Variants in SNX4 observed in about 807,000 individuals in gnomAD.
SNX4 encodes sorting nexin-4.
In SNX4, 49 loss-of-function variants were observed where a neutral mutation model predicts 70.8. That is an observed-to-expected ratio of 0.69 (90% CI 0.55 to 0.88). SNX4 has a LOEUF of 0.88. Among genes scored for constraint, SNX4 ranks in the 40% least tolerant of loss-of-function variants. SNX4 has a pLI of 0.00. For synonymous variants in SNX4, 206 were observed against 183.8 expected (o/e 1.12, Z -0.98); for missense variants, 528 against 544.8 (o/e 0.97, Z 0.31).
intron 6 of SNX4, among the ~76,000 whole-genome samples, chr3:125,486,746 AC>A (rs1254685531): frequency 6.6e-6 from 1 of 152,216 alleles, no homozygotes; most frequent in African/African-American, 2.4e-5. Flanking sequence ...GACCTTGGGC[AC>A]ATCTCTTTTA....
intron 13 of SNX4, among the ~76,000 whole-genome samples, chr3:125,449,721 T>C (rs913269877): frequency 6.6e-6 from 1 of 152,232 alleles, no homozygotes; most frequent in Non-Finnish European, 1.5e-5. Flanking sequence ...TAGTATCTTT[T>C]ATATTCACAG....
intron 5 of SNX4, among the ~76,000 whole-genome samples, chr3:125,492,905 AAGAGGC>A (rs1474395645): frequency 2.0e-5 from 3 of 152,182 alleles, no homozygotes; most frequent in African/African-American, 7.2e-5. Context: ...TGCCCCAAGG[AAGAGGC>A]AGGGTCCAGG....
chr3:125,494,249 C>T (rs1441578777), intron 5 of SNX4, among the ~76,000 whole-genome samples: 1 of 152,004 alleles, frequency 6.6e-6, no homozygotes, highest in African/African-American at 2.4e-5. Flanking sequence ...CCTTTAACAA[C>T]CATCTCTGCA....
chr3:125,514,308 A>G (rs1275389629), intron 1 of SNX4, among the ~76,000 whole-genome samples: 3 of 152,086 alleles, frequency 2.0e-5, no homozygotes, highest in African/African-American at 7.2e-5. Context: ...AAATACAACA[A>G]TATGTTAAGT....
chr3:125,511,926 C>T (rs62270176), intron 1 of SNX4, among the ~76,000 whole-genome samples: 64,381 of 151,720 alleles, frequency 0.42, 13,697 homozygotes, highest in Admixed American at 0.5. Flanking sequence ...ATACACTACA[C>T]AGCTCTCCCA....
At chr3:125,459,822 G>A (rs1449765206) in intron 10 of SNX4, among the ~76,000 whole-genome samples, 1 of 151,964 alleles carries the variant, frequency 6.6e-6, no homozygotes, top group African/African-American at 2.4e-5. Flanking sequence ...AGCTAACAAT[G>A]TGCAGATGAT....
chr3:125,465,226 G>A (rs1242949971), intron 9 of SNX4, among the ~76,000 whole-genome samples: 2 of 151,432 alleles, frequency 1.3e-5, no homozygotes, highest in Admixed American at 6.6e-5. Flanking sequence ...TCATAACTTA[G>A]CTTTATAGTA....
At chr3:125,474,878 T>C (rs1379698201) in intron 8 of SNX4, among the ~76,000 whole-genome samples, 1 of 152,216 alleles carries the variant, frequency 6.6e-6, no homozygotes, top group African/African-American at 2.4e-5. Flanking sequence ...TAATTTTTGT[T>C]TTTAAATAAG....
chr3:125,458,882 A>G lies in SNX4; in HGVS notation c.945-1517T>C, dbSNP rs942750240. Reference sequence around the variant, plus strand: ...ATTCTAATACAGCAATGCACAAAGTAAAAAAAAGAGGCTGGGCATGGTGGC... The same window carrying G: ...ATTCTAATACAGCAATGCACAAAGTGAAAAAAAGAGGCTGGGCATGGTGGC... On this transcript the variant is annotated intron_variant, in intron 10 of 13. Coordinates refer to ENST00000251775, the MANE Select transcript of SNX4 (RefSeq NM_003794.4). Among the ~76,000 whole-genome samples, 5 of 129,626 alleles carry G rather than the reference A, an allele frequency of 3.9e-5. 1 individual carries two copies. The highest frequency in any genetic ancestry group is 8.0e-5 in the Non-Finnish European group (5 of 62,722). The allele number at this position is 129,626 out of a possible 152,430, so 85.0% of individuals were successfully genotyped here. A position where few individuals can be genotyped will look rare whatever the true frequency, so the allele number is the denominator to read the frequency against.
rs1254270219 is a variant in SNX4 at position 125,504,685 on chromosome 3, T to C, written c.201A>G (p.Lys67=). 4 of 1,613,984 alleles carry C rather than the reference T, an allele frequency of 2.5e-6. No homozygotes were observed. Among genetic ancestry groups the C allele is most frequent in the Admixed American group, 1.7e-5 (1 of 60,016 alleles). The change falls in exon 2 of 14, where the codon AAA becomes AAG. Residue 67 remains lysine (K), a synonymous_variant. Transcript: ENST00000251775. ...KIEISVSEAE[K]RTGRNAMNMQ... The stretch of plus-strand genomic sequence containing the variant: ...TGTTCATGGCATTTCTTCCAGTTCG[T>C]TTTTCTGCTTCTGAAACACTGATTT...
At chr3:125,489,033 A>G (rs1169220908) in intron 6 of SNX4, among the ~76,000 whole-genome samples, 1 of 152,212 alleles carries the variant, frequency 6.6e-6, no homozygotes, top group Non-Finnish European at 1.5e-5. Context: ...TATACAAACT[A>G]GACGGTTCAT....
intron 7 of SNX4, 71 bp downstream of exon 7, chr3:125,480,176 G>A: frequency 1.0e-6 from 1 of 965,878 alleles, no homozygotes; most frequent in Non-Finnish European, 1.5e-6. Flanking sequence ...CCTACTACTT[G>A]AAAACAGAAT....
chr3:125,508,661 T>C (rs1332450534), intron 1 of SNX4, among the ~76,000 whole-genome samples: 1 of 151,682 alleles, frequency 6.6e-6, no homozygotes, highest in Non-Finnish European at 1.5e-5. Flanking sequence ...AACAACAACG[T>C]GGTACTGTCA....
chr3:125,452,656 C>A (rs1032662713), intron 12 of SNX4, among the ~76,000 whole-genome samples: 3 of 151,776 alleles, frequency 2.0e-5, no homozygotes, highest in African/African-American at 4.8e-5. Flanking sequence ...TTCACTCTGT[C>A]GCCCAGGCTA....
intron 11 of SNX4, 49 bp downstream of exon 11, chr3:125,457,217 C>T (rs1024948640): frequency 1.5e-6 from 2 of 1,300,112 alleles, no homozygotes; most frequent in Admixed American, 1.7e-5. Flanking sequence ...TTGTGAGGAA[C>T]ATTCCGTGTT....
chr3:125,513,944 C>T (rs903820021), intron 1 of SNX4, among the ~76,000 whole-genome samples: 2 of 152,130 alleles, frequency 1.3e-5, no homozygotes, highest in Admixed American at 6.6e-5. Flanking sequence ...GATCAAGGAA[C>T]TGGCAGATTC....
At chr3:125,470,489 T>TAAA (rs371640854) in intron 8 of SNX4, among the ~76,000 whole-genome samples, 52 of 139,142 alleles carry the variant, frequency 3.7e-4, no homozygotes, top group Non-Finnish European at 7.6e-4. Context: ...CCTAAAAAGT[T>TAAA]AAAAAAAAAA....
At chr3:125,448,300 ATT>A (rs199847928) in intron 13 of SNX4, among the ~76,000 whole-genome samples, 24 of 131,652 alleles carry the variant, frequency 1.8e-4, no homozygotes, top group Admixed American at 2.3e-4. Flanking sequence ...TATTTTTTGT[ATT>A]TTTTTTTTTT....
In SNX4 at chr3:125,500,324, C is replaced by A. The variant is rs572403545; in HGVS notation, c.264-2130G>T. Among the ~76,000 whole-genome samples, 3 of 152,250 alleles carry A rather than the reference C, an allele frequency of 2.0e-5. No homozygotes were observed. In the East Asian group the frequency reaches 5.8e-4, roughly 29 times the overall value. On this transcript the variant is annotated intron_variant, in intron 2 of 13. Transcript: ENST00000251775. Reference sequence around the variant, plus strand: ...TGCCTTCCAAGCCATCAAGGCATTACTACCTATTCTAAAAGAGACATATAT... The same window carrying A: ...TGCCTTCCAAGCCATCAAGGCATTAATACCTATTCTAAAAGAGACATATAT...
Sources: gnomAD v4.1 joint callset for allele counts (sites outside exome capture counted in the v4.1 genomes callset) on GRCh38, gnomAD v4.1.1 for gene constraint, MANE v1.5 for transcripts, NCBI Gene and HGNC (gene_info 2026-07-23, HGNC 2026-07-21) for gene names.